SLC1A7: variants seen among roughly 807,000 people sequenced by gnomAD.
SLC1A7 encodes the protein solute carrier family 1 member 7, also known as excitatory amino acid transporter 5.
Under a neutral mutation model 47.7 loss-of-function variants are expected in SLC1A7, and 40 were observed. The ratio of observed to expected loss-of-function variants is 0.84; its 90% CI spans 0.65 to 1.09. The LOEUF is 1.09. Ranked by LOEUF, SLC1A7 falls within the 50% of genes least tolerant of loss-of-function variation. The pLI, the probability that SLC1A7 is intolerant of heterozygous loss-of-function variation, is 0.00. For missense variants in SLC1A7, 746 were observed against 769.5 expected (o/e 0.97, Z 0.36); for synonymous variants, 323 against 325.6 (o/e 0.99, Z 0.09).
At chr1:53,088,823 C>A in intron 10 of SLC1A7, 54 bp downstream of exon 10, 1 of 1,417,306 alleles carries the variant, frequency 7.1e-7, no homozygotes. Flanking sequence ...TGGTGCCCTG[C>A]CCACCCTGCG....
chr1:53,097,172 C>T (rs1359704042), intron 5 of SLC1A7, among the ~76,000 whole-genome samples: 1 of 151,188 alleles, frequency 6.6e-6, no homozygotes, highest in Non-Finnish European at 1.5e-5. Flanking sequence ...CACCTCAGTA[C>T]ACTCACAGAT....
chr1:53,098,857 C>T (rs1234946777), intron 5 of SLC1A7, among the ~76,000 whole-genome samples: 1 of 151,046 alleles, frequency 6.6e-6, no homozygotes, highest in African/African-American at 2.4e-5. Context: ...CACTTACACA[C>T]TCTGCCTCAT....
intron 1 of SLC1A7, among the ~76,000 whole-genome samples, chr1:53,139,380 T>C (rs940191430): frequency 3.3e-5 from 5 of 152,318 alleles, no homozygotes; most frequent in African/African-American, 1.2e-4. Context: ...CAGACAAGGA[T>C]GTCTGTTAAT....
intron 5 of SLC1A7, among the ~76,000 whole-genome samples, chr1:53,099,212 ACCG>A (rs536851941): frequency 1.2e-4 from 1 of 8,032 alleles, no homozygotes; most frequent in African/African-American, 3.1e-4. Flanking sequence ...ACTCATACAC[ACCG>A]CCTCAGTACA....
Position 53,105,782 on chromosome 1 carries a change from G to A in SLC1A7, c.432-8C>T, listed in dbSNP as rs373497260. ...TTGGCTGGGAACATGTTCCTAGGAA[G>A]AGAATCAGCAATTGAAAAATTCCAG... is the stretch of plus-strand genomic sequence containing the variant. On this transcript the variant is annotated splice_polypyrimidine_tract_variant and splice_region_variant and intron_variant, in intron 3 of 10. Coordinates refer to ENST00000371494, the MANE Select transcript of SLC1A7 (RefSeq NM_006671.6). 2.0e-5 allele frequency: 33 copies of A among 1,612,924 alleles called. No individual in the cohort carries two copies. In the African/African-American group the frequency reaches 3.9e-4, roughly 19 times the overall value.
intron 3 of SLC1A7, among the ~76,000 whole-genome samples, chr1:53,110,042 C>G (rs983855080): frequency 3.9e-5 from 6 of 152,230 alleles, no homozygotes; most frequent in African/African-American, 1.4e-4. Flanking sequence ...GCCTAACAGC[C>G]AGCCCCTCAA....
In SLC1A7 at chr1:53,113,793, G is replaced by A. The variant is rs1322229898; in HGVS notation, c.431+965C>T. ...TGCACTTTGAGGCCGGTCCCCACCT[G>A]AATTCTCCAGCAGGGGTTTCTGCCT... On this transcript the variant is annotated intron_variant, in intron 3 of 10. Coordinates refer to ENST00000371494, the MANE Select transcript of SLC1A7 (RefSeq NM_006671.6). Among the ~76,000 whole-genome samples, 4 of 152,118 alleles carry A rather than the reference G, an allele frequency of 2.6e-5. No individual in the cohort carries two copies. In the South Asian group the frequency reaches 6.2e-4, roughly 24 times the overall value.
At chr1:53,109,716 T>A (rs1179097349) in intron 3 of SLC1A7, among the ~76,000 whole-genome samples, 1 of 152,160 alleles carries the variant, frequency 6.6e-6, no homozygotes, top group Non-Finnish European at 1.5e-5. Flanking sequence ...AGGCCCCTGG[T>A]CCCTCACTGC....
In SLC1A7 at chr1:53,092,554, C is replaced by T; in HGVS notation, c.1031G>A (p.Ser344Asn). The T allele has an allele frequency of 6.2e-7, 1 of 1,611,310 alleles. No homozygotes were observed. Among genetic ancestry groups the T allele is most frequent in the Non-Finnish European group, 8.5e-7 (1 of 1,177,506 alleles). ...ALLIALATSS[S>N]SATLPITFKC... ...CCGTCCTGCCCGTCCCCGGGGCTAC[C>T]TGGAGGAGGTGGCCAGCGCGATGAG... is the stretch of plus-strand genomic sequence containing the variant. Residue 344 changes from serine to asparagine, a missense_variant and splice_region_variant, in exon 7 of 11, where the codon AGC becomes AAC. By Grantham distance (46) the Ser-to-Asn change is conservative (BLOSUM62 1). Transcript: ENST00000371494.
chr1:53,099,333 TCA>T, intron 5 of SLC1A7, among the ~76,000 whole-genome samples: 1 of 27,326 alleles, frequency 3.7e-5, no homozygotes, highest in African/African-American at 9.3e-5. Flanking sequence ...CTCGGTACGC[TCA>T]CACTGCCTCA....
At chr1:53,089,056 G>T in intron 9 of SLC1A7, 77 bp from the exon 10 acceptor site, 2 of 1,158,132 alleles carry the variant, frequency 1.7e-6, no homozygotes, top group Non-Finnish European at 2.6e-6. Flanking sequence ...ACCCAGCACA[G>T]TACAGCACGG....
At chr1:53,088,270 A>G in intron 10 of SLC1A7, 43 bp from the exon 11 acceptor site, 6 of 1,500,490 alleles carry the variant, frequency 4.0e-6, no homozygotes, top group Middle Eastern at 1.7e-4. Flanking sequence ...GGAGGGACCA[A>G]GGTTAGATAC....
intron 2 of SLC1A7, among the ~76,000 whole-genome samples, chr1:53,119,732 A>G (rs1644799366): frequency 6.6e-6 from 1 of 152,124 alleles, no homozygotes; most frequent in African/African-American, 2.4e-5. Flanking sequence ...CTTGGTAATG[A>G]GCCTCAGATT....
chr1:53,106,143 G>T (rs945662129), intron 3 of SLC1A7, among the ~76,000 whole-genome samples: 4 of 151,974 alleles, frequency 2.6e-5, no homozygotes, highest in Admixed American at 2.6e-4. Context: ...GGTCGCTGCT[G>T]CTCCGCCACA....
chr1:53,128,427 T>TAATAACCTCGTGAAGGA (rs1553164768), intron 2 of SLC1A7, among the ~76,000 whole-genome samples: 56 of 144,782 alleles, frequency 3.9e-4, no homozygotes, highest in African/African-American at 5.6e-4. Flanking sequence ...CAGTGAGCTG[T>TAATAACCTCGTGAAGGA]GGTCATGCCA....
At chr1:53,096,118 A>G (rs1223092157) in intron 5 of SLC1A7, among the ~76,000 whole-genome samples, 1 of 134,764 alleles carries the variant, frequency 7.4e-6, no homozygotes, top group Non-Finnish European at 1.6e-5. Context: ...TTACACTCAC[A>G]CACCCCACCT....
rs764478984 is a variant in SLC1A7, at chr1:53,103,545, A to T, written c.498T>A (p.Val166=). The T allele has an allele frequency of 6.2e-7, 1 of 1,604,944 alleles. No homozygotes were observed. The highest frequency in any genetic ancestry group is 8.5e-7 in the Non-Finnish European group (1 of 1,175,032). ...FKQYRTKTTP[V]VKSPKVAPEE... is the part of the protein sequence containing the mutation. ...CTGGTGCCACCTTGGGGGACTTGACAACTGGGGTGGTCTTGGTGCGGTACT... is the reference window on the plus strand; with the variant it reads ...CTGGTGCCACCTTGGGGGACTTGACTACTGGGGTGGTCTTGGTGCGGTACT... Residue 166 remains valine, a synonymous_variant, in exon 5 of 11, where the codon GTT becomes GTA. Coordinates refer to ENST00000371494, the MANE Select transcript of SLC1A7 (RefSeq NM_006671.6).
intron 5 of SLC1A7, 109 bp from the exon 6 acceptor site, chr1:53,093,669 C>A (rs1644451746): frequency 1.1e-5 from 8 of 704,644 alleles, no homozygotes; most frequent in Non-Finnish European, 1.7e-5. Flanking sequence ...AGCACTCCCC[C>A]CACTCCCCCC....
intron 5 of SLC1A7, among the ~76,000 whole-genome samples, chr1:53,099,953 C>A (rs57504996): frequency 1.3e-5 from 2 of 150,874 alleles, no homozygotes; most frequent in South Asian, 2.1e-4. Flanking sequence ...ACCACACCAC[C>A]TCGTTATACT....
Sources: allele counts gnomAD v4.1 joint callset (sites outside exome capture counted in the v4.1 genomes callset), GRCh38; gene constraint gnomAD v4.1.1; transcripts MANE v1.5; gene names NCBI Gene and HGNC (gene_info 2026-07-23, HGNC 2026-07-21).